Variants in ATRX observed in about 807,000 individuals in gnomAD.
The protein encoded by ATRX is ATRX chromatin remodeler, also known as chromatin remodeler ATRX.
Under a neutral mutation model 172.6 loss-of-function variants are expected in ATRX, and 12 were observed. The ratio of observed to expected loss-of-function variants is 0.07; its 90% CI spans 0.04 to 0.11. The LOEUF (loss-of-function observed/expected upper bound fraction) is 0.11, where lower values mean the gene tolerates loss of function less well. Ranked by LOEUF, ATRX falls within the 10% of genes least tolerant of loss-of-function variation. The pLI is 1.00. For missense variants in ATRX, 1,368 were observed against 1,767.4 expected (o/e 0.77, Z 4.05); for synonymous variants, 674 against 594.7 (o/e 1.13, Z -1.94).
At chrX:77,592,293 C>T (rs781993349) in intron 26 of ATRX, among the ~76,000 whole-genome samples, 33 of 106,160 alleles carry the variant, frequency 3.1e-4, no homozygotes, top group Middle Eastern at 4.8e-3. Context: ...TGCCTGTAAT[C>T]CCAGCTACTC....
At chrX:77,677,065 T>G (rs1338447117) in intron 9 of ATRX, among the ~76,000 whole-genome samples, 2 of 105,455 alleles carry the variant, frequency 1.9e-5, no homozygotes, top group East Asian at 5.8e-4. Flanking sequence ...GAGGTTTCAG[T>G]AAGCCAAGAT....
intron 30 of ATRX, among the ~76,000 whole-genome samples, chrX:77,556,246 G>T (rs1199863823): frequency 3.8e-5 from 1 of 26,461 alleles, no homozygotes; most frequent in Admixed American, 3.3e-4. Context: ...AGGGAGAGAG[G>T]GAGAGAGGGA....
intron 27 of ATRX, among the ~76,000 whole-genome samples, chrX:77,578,028 T>C (rs1478580028): frequency 5.4e-5 from 6 of 111,573 alleles, no homozygotes; most frequent in Non-Finnish European, 1.1e-4. Flanking sequence ...AGAGAATCAG[T>C]GCACTTGCGG....
At chrX:77,583,804 CAAG>C (rs1257748130) in intron 27 of ATRX, among the ~76,000 whole-genome samples, 5 of 111,018 alleles carry the variant, frequency 4.5e-5, no homozygotes, top group Admixed American at 2.9e-4. Context: ...AGTAATTAGA[CAAG>C]AACAAGAAAT....
intron 19 of ATRX, among the ~76,000 whole-genome samples, chrX:77,623,709 C>A (rs2148288861): frequency 8.9e-6 from 1 of 112,026 alleles, no homozygotes; most frequent in African/African-American, 3.2e-5. Context: ...CCACCATGAT[C>A]AAGTGGGTTT....
At chrX:77,568,188 G>C (rs1247988040) in intron 28 of ATRX, among the ~76,000 whole-genome samples, 3 of 107,865 alleles carry the variant, frequency 2.8e-5, no homozygotes, top group African/African-American at 1.0e-4. Context: ...AGAAAATCAA[G>C]GGAATAAAAC....
chrX:77,673,697 GT>G (rs2070735539), intron 10 of ATRX, among the ~76,000 whole-genome samples: 1 of 110,856 alleles, frequency 9.0e-6, no homozygotes, highest in Non-Finnish European at 1.9e-5. Flanking sequence ...ATATGACTAA[GT>G]TTTTTAAATG....
chrX:77,760,179 A>G (rs1456346235), intron 1 of ATRX, among the ~76,000 whole-genome samples: 1 of 109,147 alleles, frequency 9.2e-6, no homozygotes, highest in East Asian at 2.9e-4. Flanking sequence ...CAATAGCCAC[A>G]GATAGTTAGT....
intron 30 of ATRX, among the ~76,000 whole-genome samples, chrX:77,547,262 C>T (rs976178194): frequency 9.0e-6 from 1 of 111,215 alleles, no homozygotes; most frequent in Non-Finnish European, 1.9e-5. Flanking sequence ...ATCTTGCATA[C>T]CATCCCCAAC....
Position 77,652,735 on chromosome X carries a change from A to G in ATRX, c.4318-382T>C, listed in dbSNP as rs1239704609. ...GGCAGGAAGATGGTGTGAACCCAGG[A>G]GGCGGAGCTCGCAGGGAGCCGAGAT... is the stretch of plus-strand genomic sequence containing the variant. On this transcript the variant is annotated intron_variant, in intron 14 of 34. Transcript: ENST00000373344. Among the ~76,000 whole-genome samples the G allele has an allele frequency of 1.4e-4, 15 of 105,705 alleles. No homozygotes were observed. In the Admixed American group the frequency reaches 1.5e-3, roughly 11 times the overall value. The allele number at this position is 105,705 out of a possible 115,157, so 91.8% of individuals were successfully genotyped here.
At chrX:77,758,757 C>CA (rs35836652) in intron 1 of ATRX, among the ~76,000 whole-genome samples, 5,509 of 96,909 alleles carry the variant, frequency 0.057, 165 homozygotes, top group Non-Finnish European at 0.08. Context: ...GATTCCATCT[C>CA]AAAAAAAAAA....
intron 22 of ATRX, among the ~76,000 whole-genome samples, chrX:77,611,277 A>G (rs1189045221): frequency 9.0e-6 from 1 of 111,483 alleles, no homozygotes; most frequent in Non-Finnish European, 1.9e-5. Flanking sequence ...TTTCCTTTGG[A>G]AAAAAGCATA....
intron 12 of ATRX, among the ~76,000 whole-genome samples, chrX:77,662,295 C>T (rs1157321382): frequency 3.6e-5 from 4 of 111,652 alleles, no homozygotes; most frequent in African/African-American, 1.3e-4. Flanking sequence ...CAATGCCCAC[C>T]ATACTGCTGG....
intron 30 of ATRX, among the ~76,000 whole-genome samples, chrX:77,544,705 A>T (rs2064167801): frequency 9.1e-6 from 1 of 110,038 alleles, no homozygotes; most frequent in Admixed American, 9.8e-5. Flanking sequence ...ACTGAGAATG[A>T]TGATTTCCAA....
At chrX:77,588,581 A>G (rs2066121152) in intron 27 of ATRX, among the ~76,000 whole-genome samples, 1 of 111,240 alleles carries the variant, frequency 9.0e-6, no homozygotes, top group Non-Finnish European at 1.9e-5. Flanking sequence ...AGTCTGGGCA[A>G]ATAGAGGGAG....
chrX:77,778,996 C>T (rs1249855574), intron 1 of ATRX, among the ~76,000 whole-genome samples: 2 of 107,237 alleles, frequency 1.9e-5, no homozygotes, highest in Non-Finnish European at 3.8e-5. Flanking sequence ...GGCGCGATCT[C>T]GGCCCACTGC....
chrX:77,512,040 A>G (rs1191009841), intron 34 of ATRX, among the ~76,000 whole-genome samples: 5 of 111,927 alleles, frequency 4.5e-5, no homozygotes, highest in African/African-American at 1.6e-4. Flanking sequence ...TCAAACTCTC[A>G]AAGGTCAAGG....
chrX:77,685,805 G>C (rs1163156791), intron 7 of ATRX, among the ~76,000 whole-genome samples: 1 of 111,839 alleles, frequency 8.9e-6, no homozygotes, highest in Non-Finnish European at 1.9e-5. Flanking sequence ...CCCATCAACA[G>C]ATAAGTAAAT....
chrX:77,549,097 A>T (rs982422400), intron 30 of ATRX, among the ~76,000 whole-genome samples: 20 of 112,224 alleles, frequency 1.8e-4, no homozygotes, highest in Non-Finnish European at 1.3e-4. Context: ...TATAAAATAT[A>T]ACCTTGGCTG....
Sources: gnomAD v4.1 joint callset for allele counts (sites outside exome capture counted in the v4.1 genomes callset) on GRCh38, gnomAD v4.1.1 for gene constraint, MANE v1.5 for transcripts, NCBI Gene and HGNC (gene_info 2026-07-23, HGNC 2026-07-21) for gene names.